The following VRK2 variants were observed in gnomAD, a reference collection of about 807,000 sequenced individuals.
The protein encoded by VRK2 is serine/threonine-protein kinase VRK2.
VRK2 carries 60 observed loss-of-function variants against 57.6 expected under a neutral mutation model. The ratio of observed to expected loss-of-function variants is 1.04; its 90% confidence interval spans 0.85 to 1.29. VRK2 has a LOEUF of 1.29. VRK2 is among the 50% of genes most tolerant of loss of function. The pLI is 0.00. For synonymous variants in VRK2, 231 were observed against 199.2 expected, an observed-to-expected ratio of 1.16 and a Z score of -1.35; for missense variants, 705 against 588.1, an observed-to-expected ratio of 1.20 and a Z score of -2.06.
chr2:58,137,210 T>TA lies in VRK2; in HGVS notation c.856+2011_856+2012insA, dbSNP rs1558687134. ...ATATGATACATATATATCTCATATA[T>TA]GATACATATATATCATATGATACAT... is the stretch of plus-strand genomic sequence containing the variant. On this transcript the variant is annotated intron_variant, in intron 10 of 12. Transcript: ENST00000340157. 1.8e-4 allele frequency among the ~76,000 whole-genome samples: 14 copies of TA among 76,056 alleles called. 1 individual carries two copies. The highest frequency in any genetic ancestry group is 1.3e-3 in the African/African-American group (13 of 10,162). 49.9% of individuals were successfully genotyped at this position (76,056 alleles called of 152,430 possible). A position where few individuals can be genotyped will look rare whatever the true frequency, so the allele number is the denominator to read the frequency against.
At chr2:58,000,893 G>A (rs746358583) in intron 1 of VRK2, among the ~76,000 whole-genome samples, 10 of 152,156 alleles carry the variant, frequency 6.6e-5, no homozygotes, top group Non-Finnish European at 1.3e-4. Context: ...TTGCTTCTGT[G>A]ATGACTCTGT....
At chr2:57,953,830 CTGA>C (rs1414985846) in intron 1 of VRK2, among the ~76,000 whole-genome samples, 1 of 152,086 alleles carries the variant, frequency 6.6e-6, no homozygotes, top group Non-Finnish European at 1.5e-5. Context: ...TTAAAATGAA[CTGA>C]TATTATTATA....
intron 1 of VRK2, among the ~76,000 whole-genome samples, chr2:58,022,710 T>C (rs1381604987): frequency 6.6e-6 from 1 of 152,092 alleles, no homozygotes; most frequent in Non-Finnish European, 1.5e-5. Flanking sequence ...ACTTCATCTC[T>C]ATAAAAATAC....
intron 1 of VRK2, among the ~76,000 whole-genome samples, chr2:57,985,525 C>T (rs962692265): frequency 6.6e-6 from 1 of 151,952 alleles, no homozygotes; most frequent in Non-Finnish European, 1.5e-5. Flanking sequence ...TAATACTGCT[C>T]CTATATATAT....
At chr2:58,063,560 A>G (rs1677684346) in intron 2 of VRK2, among the ~76,000 whole-genome samples, 1 of 152,052 alleles carries the variant, frequency 6.6e-6, no homozygotes, top group South Asian at 2.1e-4. Flanking sequence ...CCTACTTCTC[A>G]GAAACAAAAA....
At chr2:58,123,268 C>T in intron 8 of VRK2, 35 bp downstream of exon 8, 1 of 1,569,120 alleles carries the variant, frequency 6.4e-7, no homozygotes, top group Non-Finnish European at 8.6e-7. Context: ...ATTTTTATTT[C>T]AGAAGAATGA....
intron 12 of VRK2, among the ~76,000 whole-genome samples, chr2:58,149,579 AAT>A (rs1682686721): frequency 6.6e-6 from 1 of 151,510 alleles, no homozygotes; most frequent in African/African-American, 2.4e-5. Flanking sequence ...TATTACGTTG[AAT>A]AGAAGTTGTG....
rs370860870 is a variant in VRK2 at position 58,058,520 on chromosome 2, G to A, written c.136+9553G>A. ...TGAGTGCCACCTAATGAACCTCTTA[G>A]ACATAATGTTACCAAAGTCTCACTG... On this transcript the variant is annotated intron_variant, in intron 2 of 12. Transcript: ENST00000340157. 735 of 404,686 alleles carry A rather than the reference G, an allele frequency of 1.8e-3. 8 individuals carry two copies. The highest frequency in any genetic ancestry group is 0.013 in the South Asian group (714 of 54,236). 25.1% of individuals were successfully genotyped at this position (404,686 alleles called of 1,614,324 possible).
intron 1 of VRK2, among the ~76,000 whole-genome samples, chr2:58,014,053 T>C (rs928393259): frequency 2.6e-5 from 4 of 152,104 alleles, no homozygotes; most frequent in Non-Finnish European, 5.9e-5. Context: ...TATCACAATG[T>C]TTCCACTTTC....
intron 2 of VRK2, among the ~76,000 whole-genome samples, chr2:58,055,552 G>A (rs1676392979): frequency 6.6e-6 from 1 of 150,948 alleles, no homozygotes; most frequent in Non-Finnish European, 1.5e-5. Context: ...TCTCCTGCAA[G>A]TGCCTCCAGC....
chr2:58,156,140 G>GC (rs200527920), intron 12 of VRK2, among the ~76,000 whole-genome samples: 2,815 of 152,072 alleles, frequency 0.019, 82 homozygotes, highest in African/African-American at 0.061. Context: ...ATAACTGGAT[G>GC]CCCCTCACTT....
chr2:58,014,348 T>C (rs1473638765), intron 1 of VRK2, among the ~76,000 whole-genome samples: 2 of 152,238 alleles, frequency 1.3e-5, no homozygotes, highest in Middle Eastern at 3.2e-3. Context: ...TACATTTAAA[T>C]ATCTGGCTAA....
At chr2:58,088,019 C>G (rs2104205398) in intron 5 of VRK2, among the ~76,000 whole-genome samples, 1 of 152,120 alleles carries the variant, frequency 6.6e-6, no homozygotes, top group South Asian at 2.1e-4. Context: ...ATAATTTGTT[C>G]AAGGCCATAT....
intron 7 of VRK2, among the ~76,000 whole-genome samples, chr2:58,116,738 G>A (rs1285785712): frequency 6.6e-6 from 1 of 152,194 alleles, no homozygotes; most frequent in Non-Finnish European, 1.5e-5. Context: ...CAGAGTTCCA[G>A]GGGCTCTGGG....
At chr2:57,994,496 T>C (rs1672865414) in intron 1 of VRK2, among the ~76,000 whole-genome samples, 1 of 152,192 alleles carries the variant, frequency 6.6e-6, no homozygotes, top group South Asian at 2.1e-4. Flanking sequence ...CCATTTCCAC[T>C]ACTGATCCAC....
intron 1 of VRK2, among the ~76,000 whole-genome samples, chr2:57,932,495 C>A (rs1172702090): frequency 1.3e-5 from 2 of 152,088 alleles, no homozygotes; most frequent in Non-Finnish European, 2.9e-5. Flanking sequence ...TATAATCATG[C>A]GAAGGAGTTT....
intron 1 of VRK2, among the ~76,000 whole-genome samples, chr2:57,953,964 G>A (rs1318442026): frequency 6.6e-6 from 1 of 151,950 alleles, no homozygotes; most frequent in Non-Finnish European, 1.5e-5. Context: ...TCTTTCCCTG[G>A]CAAAACTTCT....
chr2:58,043,351 CAATTTT>C (rs1170602846), upstream of VRK2, among the ~76,000 whole-genome samples: 3 of 152,182 alleles, frequency 2.0e-5, no homozygotes, highest in Non-Finnish European at 4.4e-5. Context: ...ATATATAATT[CAATTTT>C]AAGTGTATAA....
In VRK2 at chr2:58,109,604, G is replaced by A. The variant is rs1280390692; in HGVS notation, c.544-13497G>A. ...AGAGAGAAGTGCTGAGGGAAAGGGT[G>A]AAAAGCCCCTTATAAAACCATCAGA... On this transcript the variant is annotated intron_variant, in intron 7 of 12. Transcript: ENST00000340157. Among the ~76,000 whole-genome samples the A allele has an allele frequency of 2.0e-5, 3 of 152,186 alleles. No individual in the cohort carries two copies. The East Asian group carries it at 5.8e-4, about 29-fold the overall frequency.
Sources: allele counts gnomAD v4.1 joint callset (sites outside exome capture counted in the v4.1 genomes callset), GRCh38; gene constraint gnomAD v4.1.1; transcripts MANE v1.5; gene names NCBI Gene and HGNC (gene_info 2026-07-23, HGNC 2026-07-21).